The following MON1B variants were observed in gnomAD, a reference collection of about 807,000 sequenced individuals.
MON1B encodes the protein vacuolar fusion protein MON1 homolog B.
A neutral mutation model predicts 45.1 loss-of-function variants in MON1B; 26 were observed. The observed-to-expected ratio is 0.58, with a 90% CI of 0.42 to 0.80. The LOEUF (loss-of-function observed/expected upper bound fraction) is 0.80, where lower values mean the gene tolerates loss of function less well. Among genes scored for constraint, MON1B ranks in the 30% least tolerant of loss-of-function variants. The probability of loss-of-function intolerance (pLI) is 0.00; values close to 1 mark genes in which losing one functional copy is unlikely to be tolerated. For synonymous variants in MON1B, 395 were observed against 320.2 expected, an observed-to-expected ratio of 1.23 and a Z score of -2.49; for missense variants, 737 against 754.5, an observed-to-expected ratio of 0.98 and a Z score of 0.27.
At chr16:77,195,353 G>A (rs1273135102) in intron 4 of MON1B, among the ~76,000 whole-genome samples, 182 bp from the exon 5 acceptor site, 1 of 152,174 alleles carries the variant, frequency 6.6e-6, no homozygotes, top group Non-Finnish European at 1.5e-5. Flanking sequence ...CAGGGCCCTA[G>A]TACTCAGGGA....
rs530304434 is a variant in MON1B at position 77,197,258 on chromosome 16, G to A, written c.1444-850G>A. On this transcript the variant is annotated intron_variant, in intron 5 of 5. Transcript: ENST00000248248. ...TAAAAATACAAAAAATTAGCTGGATGTGGTGGCATGCGCTTGTATCCCAGC... is the reference window on the plus strand; with the variant it reads ...TAAAAATACAAAAAATTAGCTGGATATGGTGGCATGCGCTTGTATCCCAGC... Among the ~76,000 whole-genome samples, 4 of 152,162 alleles carry A rather than the reference G, an allele frequency of 2.6e-5. No homozygotes were observed. The South Asian group carries it at 6.2e-4, about 24-fold the overall frequency.
chr16:77,197,476 C>T (rs2054677201), intron 5 of MON1B, among the ~76,000 whole-genome samples: 1 of 152,108 alleles, frequency 6.6e-6, no homozygotes, highest in Non-Finnish European at 1.5e-5. Flanking sequence ...CCTCCCTGAG[C>T]AGATGGCATC....
rs181233706 is a variant in MON1B at position 77,198,737 on chromosome 16, G to T, written c.*429G>T. On this transcript the variant is annotated 3_prime_UTR_variant, in exon 6 of 6. Transcript: ENST00000248248. ...GCACTTCAGGGCCAGGCTATGCTTGGGACTGGCCTGAGGGTATTTTAAAGA... is the reference window on the plus strand; with the variant it reads ...GCACTTCAGGGCCAGGCTATGCTTGTGACTGGCCTGAGGGTATTTTAAAGA... 3.5e-3 allele frequency: 737 copies of T among 212,882 alleles called. 5 individuals carry two copies. The highest frequency in any genetic ancestry group is 5.0e-3 in the Admixed American group (96 of 19,272). 13.2% of individuals were successfully genotyped at this position (212,882 alleles called of 1,614,324 possible). A position where few individuals can be genotyped will look rare whatever the true frequency, so the allele number is the denominator to read the frequency against.
chr16:77,200,467 C>G lies in MON1B; in HGVS notation c.*2159C>G, dbSNP rs1205666825. On this transcript the variant is annotated 3_prime_UTR_variant, in exon 6 of 6. Coordinates refer to ENST00000248248, the MANE Select transcript of MON1B (RefSeq NM_014940.4). ...ACTCCGTCTCAAAAGAAAAAAAATT[C>G]TCCCTTGGCCGGGCTTGGTGGCTTA... is the stretch of plus-strand genomic sequence containing the variant. 2.7e-5 allele frequency: 4 copies of G among 148,740 alleles called. No homozygotes were observed. The East Asian group carries it at 6.1e-4, about 23-fold the overall frequency. The allele number at this position is 148,740 out of a possible 1,614,324, so 9.2% of individuals were successfully genotyped here. A position where few individuals can be genotyped will look rare whatever the true frequency, so the allele number is the denominator to read the frequency against.
chr16:77,198,244 A>G lies in MON1B; in HGVS notation c.1580A>G (p.Tyr527Cys), dbSNP rs2054687298. The G allele has an allele frequency of 1.9e-6, 3 of 1,613,956 alleles. No homozygotes were observed. Among genetic ancestry groups the G allele is most frequent in the Non-Finnish European group, 2.5e-6 (3 of 1,179,988 alleles). Residue 527 changes from tyrosine to cysteine, a missense_variant, in exon 6 of 6, where the codon TAC (tyrosine) becomes TGC (cysteine). Physicochemically the swap from Tyr to Cys is radical, Grantham distance 194 (BLOSUM62 -2). Transcript: ENST00000248248. ...CTCTTCATTCGTTACCCACCCAAGT[A>G]CTCCACACCACCAGCCACCTCTACG... ...DRLFIRYPPK[Y>C]STPPATSTDQ...
At chr16:77,196,401 G>A (rs1254509001) in intron 5 of MON1B, among the ~76,000 whole-genome samples, 2 of 152,156 alleles carry the variant, frequency 1.3e-5, no homozygotes, top group African/African-American at 4.8e-5. Context: ...AAAGGGCGTG[G>A]TGAAAACCAC....
In MON1B at chr16:77,191,540, G is replaced by A; in HGVS notation, c.55G>A (p.Glu19Lys). 5 of 1,610,132 alleles carry A rather than the reference G, an allele frequency of 3.1e-6. No homozygotes were observed. Among genetic ancestry groups the A allele is most frequent in the Admixed American group, 3.4e-5 (2 of 58,334 alleles). The change falls in exon 2 of 6, where the codon GAG becomes AAG. Residue 19 changes from glutamate to lysine, a missense_variant. By Grantham distance (56) the Glu-to-Lys change is moderately conservative. Transcript: ENST00000248248. ...APAPGGAEDL[E>K]DTQFPSEEAR... Reference sequence around the variant, plus strand: ...GGCCCCCGGGGGCGCGGAGGACTTGGAGGACACGCAGTTCCCCAGTGAGGA... The same window carrying A: ...GGCCCCCGGGGGCGCGGAGGACTTGAAGGACACGCAGTTCCCCAGTGAGGA...
chr16:77,193,676 G>A lies in MON1B; in HGVS notation c.374G>A (p.Arg125Gln). 4 of 1,614,104 alleles carry A rather than the reference G, an allele frequency of 2.5e-6. No homozygotes were observed. Among genetic ancestry groups the A allele is most frequent in the Non-Finnish European group, 2.5e-6 (3 of 1,179,988 alleles). The change falls in exon 3 of 6, where the codon CGG becomes CAG. Residue 125 changes from arginine (R) to glutamine (Q), a missense_variant. Transcript: ENST00000248248. The surrounding 1 kb of genome is among the most constrained non-coding windows in gnomAD (Gnocchi z 5.0). The stretch of plus-strand genomic sequence containing the variant: ...GAGGCTGGCAAGCCCATCTACTCGC[G>A]GTATGGTAGTGTGGAGGCGCTGTCG... ...LSEAGKPIYSRYGSVEALSAT... is the reference protein window; with the variant it reads ...LSEAGKPIYSQYGSVEALSAT...
At position 77,200,061 on chromosome 16, in the gene MON1B, G is replaced by A. The variant is rs2054715032; in HGVS notation, c.*1753G>A. The A allele has an allele frequency of 6.6e-6, 1 of 151,986 alleles. No homozygotes were observed. The highest frequency in any genetic ancestry group is 1.9e-4 in the East Asian group (1 of 5,174). 9.4% of individuals were successfully genotyped at this position (151,986 alleles called of 1,614,324 possible). A position where few individuals can be genotyped will look rare whatever the true frequency, so the allele number is the denominator to read the frequency against. ...AAAAAAAAATCTCAGGCCGGGCACGGAGGCTCACGCCTGTAATCCCAGCAC... is the reference window on the plus strand; with the variant it reads ...AAAAAAAAATCTCAGGCCGGGCACGAAGGCTCACGCCTGTAATCCCAGCAC... On this transcript the variant is annotated 3_prime_UTR_variant, in exon 6 of 6. Coordinates refer to ENST00000248248, the MANE Select transcript of MON1B (RefSeq NM_014940.4).
At position 77,193,527 on chromosome 16, in the gene MON1B, C is replaced by G; in HGVS notation, c.225C>G (p.Leu75=). The G allele has an allele frequency of 6.2e-7, 1 of 1,613,382 alleles. No individual in the cohort carries two copies. The highest frequency in any genetic ancestry group is 8.5e-7 in the Non-Finnish European group (1 of 1,179,502). ...QSEALSSTSR[L]WSPAAPENSP... is the part of the protein sequence containing the mutation. ...AGGCCCTGTCAAGCACCTCTCGGCT[C>G]TGGAGTCCTGCAGCCCCTGAGAATA... Residue 75 remains leucine, a synonymous_variant, in exon 3 of 6, where the codon CTC becomes CTG. Coordinates refer to ENST00000248248, the MANE Select transcript of MON1B (RefSeq NM_014940.4). This position sits in a 1 kb window ranked among gnomAD's most constrained non-coding sequence, Gnocchi z 5.0.
At position 77,198,475 on chromosome 16, in the gene MON1B, C is replaced by G. The variant is rs531217628; in HGVS notation, c.*167C>G. 15 of 734,976 alleles carry G rather than the reference C, an allele frequency of 2.0e-5. No individual in the cohort carries two copies. The East Asian group carries it at 3.8e-4, about 19-fold the overall frequency. The allele number at this position is 734,976 out of a possible 1,614,324, so 45.5% of individuals were successfully genotyped here. On this transcript the variant is annotated 3_prime_UTR_variant, in exon 6 of 6. Transcript: ENST00000248248. ...CCGATGAGAGAGATGGTGGCAGCCG[C>G]CAGGCGAGCAGGCTGCTTTCCCTGC...
chr16:77,199,474 T>A lies in MON1B; in HGVS notation c.*1166T>A. On this transcript the variant is annotated 3_prime_UTR_variant, in exon 6 of 6. Coordinates refer to ENST00000248248, the MANE Select transcript of MON1B (RefSeq NM_014940.4). The stretch of plus-strand genomic sequence containing the variant: ...AAAATGGCGGGGAAGCTGAAACCTC[T>A]GAATGTGGAGGCGCCAGAAGCTACT... 1 of 1,551,478 alleles carries A rather than the reference T, an allele frequency of 6.4e-7. No homozygotes were observed. The highest frequency in any genetic ancestry group is 8.7e-7 in the Non-Finnish European group (1 of 1,146,962).
In MON1B at chr16:77,194,517, C is replaced by T. The variant is rs746790777; in HGVS notation, c.658C>T (p.Arg220Cys). 1 of 1,614,084 alleles carries T rather than the reference C, an allele frequency of 6.2e-7. No homozygotes were observed. The highest frequency in any genetic ancestry group is 1.1e-5 in the South Asian group (1 of 91,084). The change falls in exon 4 of 6, where the codon CGC becomes TGC. Residue 220 changes from arginine (R) to cysteine (C), a missense_variant. By Grantham distance (180) the Arg-to-Cys change is radical. Transcript: ENST00000248248. This position sits in a 1 kb window ranked among gnomAD's most constrained non-coding sequence, Gnocchi z 8.1. ...FAHKQNYDLR[R>C]LLAGSERTLD... ...ACACAAGCAGAACTATGACCTCCGC[C>T]GCCTGCTGGCTGGTTCAGAGCGCAC...
rs754218677 is a variant in MON1B, at chr16:77,194,989, T to C, written c.1130T>C (p.Leu377Pro). 6.2e-7 allele frequency: 1 copy of C among 1,613,728 alleles called. No homozygotes were observed. Among genetic ancestry groups the C allele is most frequent in the South Asian group, 1.1e-5 (1 of 91,082 alleles). The change falls in exon 4 of 6, where the codon CTT becomes CCT. Residue 377 changes from leucine to proline, a missense_variant. Coordinates refer to ENST00000248248, the MANE Select transcript of MON1B (RefSeq NM_014940.4). This position sits in a 1 kb window ranked among gnomAD's most constrained non-coding sequence, Gnocchi z 8.1. ...RRLVEDGMHALGAMRALGEAA... is the reference protein window; with the variant it reads ...RRLVEDGMHAPGAMRALGEAA... ...CTGGTTGAAGATGGGATGCATGCCC[T>C]TGGTGCCATGCGTGCCCTTGGGGAG... is the stretch of plus-strand genomic sequence containing the variant.
rs539419806 is a variant in MON1B, at chr16:77,195,549, C to A, written c.1310C>A (p.Ala437Asp). The change falls in exon 5 of 6, where the codon GCC becomes GAC. Residue 437 changes from alanine (A) to aspartate (D), a missense_variant. Transcript: ENST00000248248. ...LPQFTSPELE[A>D]PYSREEERQR... is the part of the protein sequence containing the mutation. ...CATCATGGCAGCCCTGAGCTAGAGG[C>A]CCCCTACAGCAGAGAGGAGGAGCGG... 2 of 1,613,470 alleles carry A rather than the reference C, an allele frequency of 1.2e-6. No homozygotes were observed. Among genetic ancestry groups the A allele is most frequent in the Non-Finnish European group, 1.7e-6 (2 of 1,179,684 alleles).
At chr16:77,197,480 T>C (rs932763962) in intron 5 of MON1B, among the ~76,000 whole-genome samples, 1 of 152,186 alleles carries the variant, frequency 6.6e-6, no homozygotes, top group African/African-American at 2.4e-5. Context: ...CCTGAGCAGA[T>C]GGCATCTGAG....
Position 77,194,738 on chromosome 16 carries a change from G to A in MON1B, c.879G>A (p.Val293=). 6.2e-7 allele frequency: 1 copy of A among 1,613,852 alleles called. No individual in the cohort carries two copies. The highest frequency in any genetic ancestry group is 8.5e-7 in the Non-Finnish European group (1 of 1,179,854). The change falls in exon 4 of 6, where the codon GTG becomes GTA. Residue 293 remains valine, a synonymous_variant. Transcript: ENST00000248248. This position sits in a 1 kb window ranked among gnomAD's most constrained non-coding sequence, Gnocchi z 8.1. The part of the protein sequence containing the change: ...RLITAAQERN[V]LAECRLDPAD... ...TAACAGCAGCCCAGGAGCGAAATGT[G>A]CTGGCCGAGTGCCGGCTGGACCCAG...
At position 77,201,436 on chromosome 16, in the gene MON1B, G is replaced by T; in HGVS notation, c.*3128G>T. The T allele has an allele frequency of 6.6e-6, 1 of 152,074 alleles. No homozygotes were observed. Among genetic ancestry groups the T allele is most frequent in the Non-Finnish European group, 1.5e-5 (1 of 68,016 alleles). 9.4% of individuals were successfully genotyped at this position (152,074 alleles called of 1,614,324 possible). A position where few individuals can be genotyped will look rare whatever the true frequency, so the allele number is the denominator to read the frequency against. On this transcript the variant is annotated 3_prime_UTR_variant, in exon 6 of 6. Transcript: ENST00000248248. ...GTTGCCATTTCTAGCCCATCAAATCGGCTTTATAAAGGGAAGCATAGTATC... is the reference window on the plus strand; with the variant it reads ...GTTGCCATTTCTAGCCCATCAAATCTGCTTTATAAAGGGAAGCATAGTATC...
rs1452041554 is a variant in MON1B at position 77,191,626 on chromosome 16, G to A, written c.141G>A (p.Glu47=). The change falls in exon 2 of 6, where the codon GAG becomes GAA. Residue 47 remains glutamate (E), a synonymous_variant. Transcript: ENST00000248248. ...VPPDPEDEGL[E]ETGSKDKDQP... The stretch of plus-strand genomic sequence containing the variant: ...CGGATCCCGAAGACGAGGGCCTGGA[G>A]GAAACAGGTATGACTCCACTTAGTG... 5 of 1,610,914 alleles carry A rather than the reference G, an allele frequency of 3.1e-6. No individual in the cohort carries two copies. Among genetic ancestry groups the A allele is most frequent in the Admixed American group, 1.7e-5 (1 of 58,760 alleles).
Sources: gnomAD v4.1 joint callset for allele counts (sites outside exome capture counted in the v4.1 genomes callset) on GRCh38, gnomAD v4.1.1 for gene constraint, Gnocchi (gnomAD v3.1) non-coding constraint, MANE v1.5 for transcripts, NCBI Gene and HGNC (gene_info 2026-07-23, HGNC 2026-07-21) for gene names.